The following GATAD2A variants were observed in gnomAD, a reference collection of about 807,000 sequenced individuals.
GATAD2A encodes the protein transcriptional repressor p66-alpha.
In GATAD2A, 12 loss-of-function variants were observed where a neutral mutation model predicts 68.5. The observed-to-expected ratio is 0.18, with a 90% CI of 0.11 to 0.28. GATAD2A has a LOEUF of 0.28. GATAD2A is among the 10% of genes least tolerant of loss of function. GATAD2A has a pLI of 1.00. For synonymous variants in GATAD2A, 410 were observed against 375.3 expected, an observed-to-expected ratio of 1.09 and a Z score of -1.07; for missense variants, 755 against 868.5, an observed-to-expected ratio of 0.87 and a Z score of 1.64.
intron 2 of GATAD2A, among the ~76,000 whole-genome samples, chr19:19,476,942 G>A (rs975700631): frequency 6.6e-6 from 1 of 152,180 alleles, no homozygotes; most frequent in Non-Finnish European, 1.5e-5. Context: ...TGAGGGGGCA[G>A]CTGGTGGTAG....
intron 2 of GATAD2A, among the ~76,000 whole-genome samples, chr19:19,488,140 A>G (rs1045251264): frequency 1.3e-5 from 2 of 152,208 alleles, no homozygotes; most frequent in African/African-American, 4.8e-5. Flanking sequence ...GACACGCTTC[A>G]TTTATACAAG....
intron 1 of GATAD2A, among the ~76,000 whole-genome samples, chr19:19,460,310 A>G (rs1048536804): frequency 6.6e-6 from 1 of 152,178 alleles, no homozygotes; most frequent in African/African-American, 2.4e-5. Context: ...TGTGAAGGGC[A>G]GGGCCACAGG....
chr19:19,415,570 C>T (rs2051507960), intron 1 of GATAD2A, among the ~76,000 whole-genome samples: 1 of 151,904 alleles, frequency 6.6e-6, no homozygotes, highest in African/African-American at 2.4e-5. Context: ...CTGCCCCAGC[C>T]TCCCAAGTAG....
chr19:19,447,659 G>A (rs8105642), intron 1 of GATAD2A, among the ~76,000 whole-genome samples: 23,979 of 152,236 alleles, frequency 0.16, 2,009 homozygotes, highest in Middle Eastern at 0.28. Context: ...CAGATAGTTT[G>A]TTTCATCATA....
rs6909 is a variant in GATAD2A at position 19,508,733 on chromosome 19, A to G, written c.*3259A>G. 65,424 of 152,026 alleles carry G rather than the reference A, an allele frequency of 0.43. 15,456 individuals are homozygous for G. The highest frequency in any genetic ancestry group is 0.62 in the African/African-American group (25,810 of 41,444). The allele number at this position is 152,026 out of a possible 1,614,324, so 9.4% of individuals were successfully genotyped here. On this transcript the variant is annotated 3_prime_UTR_variant, in exon 12 of 12. Coordinates refer to ENST00000683918, the MANE Select transcript of GATAD2A (RefSeq NM_001384528.1). Reference sequence around the variant, plus strand: ...GTTACACTAGTGCAGGGTATTGGGGAGGCTCTTTGGGTGTGGAGGCTGTCA... The same window carrying G: ...GTTACACTAGTGCAGGGTATTGGGGGGGCTCTTTGGGTGTGGAGGCTGTCA...
At chr19:19,415,521 C>G (rs1045892633) in intron 1 of GATAD2A, among the ~76,000 whole-genome samples, 2 of 151,448 alleles carry the variant, frequency 1.3e-5, no homozygotes, top group African/African-American at 4.9e-5. Flanking sequence ...ACAATCTTGG[C>G]TCACTGTAAC....
chr19:19,500,390 C>T (rs561177695), intron 8 of GATAD2A, among the ~76,000 whole-genome samples: 15 of 151,992 alleles, frequency 9.9e-5, no homozygotes, highest in Non-Finnish European at 2.1e-4. Flanking sequence ...CACCCCCCAG[C>T]CCCTGCAGTC....
Position 19,424,418 on chromosome 19 carries a change from C to T in GATAD2A, c.-7+18399C>T, listed in dbSNP as rs145726203. ...CTAATTTTTGTATTTTTTGTAAAGA[C>T]GGAGTTTTGCTATTTTGCCCAGGCT... is the stretch of plus-strand genomic sequence containing the variant. On this transcript the variant is annotated intron_variant, in intron 1 of 11. Transcript: ENST00000683918. Among the ~76,000 whole-genome samples the T allele has an allele frequency of 5.3e-3, 808 of 151,994 alleles. 6 individuals carry two copies. The highest frequency in any genetic ancestry group is 0.041 in the South Asian group (199 of 4,810).
intron 7 of GATAD2A, among the ~76,000 whole-genome samples, chr19:19,497,778 G>T (rs773894302): frequency 3.3e-5 from 5 of 152,188 alleles, no homozygotes; most frequent in African/African-American, 4.8e-5. Context: ...TTGGCATGTG[G>T]GCAGTTCTGG....
intron 1 of GATAD2A, among the ~76,000 whole-genome samples, chr19:19,450,936 A>G (rs1157231750): frequency 6.6e-6 from 1 of 151,242 alleles, no homozygotes; most frequent in African/African-American, 2.4e-5. Flanking sequence ...ATGCCCAGCT[A>G]ATTTTTTGTA....
At chr19:19,394,018 C>G (rs2049038770) in intron 1 of GATAD2A, among the ~76,000 whole-genome samples, 1 of 151,988 alleles carries the variant, frequency 6.6e-6, no homozygotes, top group African/African-American at 2.4e-5. Flanking sequence ...TCCCGAGTAG[C>G]TGGGATTACA....
chr19:19,501,972 A>G lies in GATAD2A; in HGVS notation c.1507A>G (p.Ile503Val), dbSNP rs551163434. ...CTTTCAACCCCCGTTTGTGTAGGTC[A>G]TAAAACCCCGGCGTAAGTTGGCGTT... is the stretch of plus-strand genomic sequence containing the variant. ...AAPHPVLKQVIKPRRKLAFRS... is the reference protein window; with the variant it reads ...AAPHPVLKQVVKPRRKLAFRS... The change falls in exon 10 of 12, where the codon ATA becomes GTA. Residue 503 changes from isoleucine to valine, a missense_variant. Physicochemically the swap from Ile to Val is conservative, Grantham distance 29 (BLOSUM62 3). Transcript: ENST00000683918. 2 of 1,613,698 alleles carry G rather than the reference A, an allele frequency of 1.2e-6. No individual in the cohort carries two copies. The highest frequency in any genetic ancestry group is 1.3e-5 in the African/African-American group (1 of 75,002).
chr19:19,392,048 T>C lies in GATAD2A; in HGVS notation c.-7+5910T>C, dbSNP rs75827523. On this transcript the variant is annotated intron_variant, in intron 1 of 11. Transcript: ENST00000360315. ...TCAGAAACTTGACTGCCTTTGTTTA[T>C]ACTGGTGTGTCTTTTGAATAAGAGT... 9.3e-4 allele frequency among the ~76,000 whole-genome samples: 141 copies of C among 152,088 alleles called. 2 individuals carry two copies. The East Asian group carries it at 0.024, about 26-fold the overall frequency.
At chr19:19,412,720 C>T (rs1183083231) in intron 1 of GATAD2A, among the ~76,000 whole-genome samples, 1 of 152,134 alleles carries the variant, frequency 6.6e-6, no homozygotes, top group Non-Finnish European at 1.5e-5. Flanking sequence ...ACCAACTTAA[C>T]ATTTTCTCCA....
intron 4 of GATAD2A, among the ~76,000 whole-genome samples, chr19:19,493,447 G>A (rs1347459027): frequency 6.6e-6 from 1 of 152,242 alleles, no homozygotes; most frequent in Admixed American, 6.5e-5. Context: ...GTGGATCTCA[G>A]CCCCAACTGT....
chr19:19,454,210 G>A (rs1311883328), intron 1 of GATAD2A, among the ~76,000 whole-genome samples: 2 of 146,708 alleles, frequency 1.4e-5, no homozygotes, highest in Non-Finnish European at 3.0e-5. Context: ...TTGGTCAGCT[G>A]GTCTTGAACT....
At chr19:19,409,748 C>T (rs1416703360) in intron 1 of GATAD2A, among the ~76,000 whole-genome samples, 2 of 152,192 alleles carry the variant, frequency 1.3e-5, no homozygotes, top group African/African-American at 4.8e-5. Context: ...CTGTCAGAAA[C>T]AAAGGTACCA....
chr19:19,505,456 G>A lies in GATAD2A; in HGVS notation c.1887G>A (p.Gln629=), dbSNP rs1285147376. 1 of 1,604,378 alleles carries A rather than the reference G, an allele frequency of 6.2e-7. No homozygotes were observed. Among genetic ancestry groups the A allele is most frequent in the African/African-American group, 1.3e-5 (1 of 74,410 alleles). ...TGATCCCACCCCGCTCCATCCCCCA[G>A]TCAGCCACGTGGAAATAGTGCGAGC... is the stretch of plus-strand genomic sequence containing the variant. ...LDMIPPRSIP[Q]SATWK Residue 629 remains glutamine (Q), a synonymous_variant, in exon 12 of 12, where the codon CAG becomes CAA. Transcript: ENST00000683918.
chr19:19,389,557 G>A (rs2048697971), intron 1 of GATAD2A, among the ~76,000 whole-genome samples: 1 of 152,112 alleles, frequency 6.6e-6, no homozygotes, highest in Non-Finnish European at 1.5e-5. Context: ...GAAGTGCTTG[G>A]AGACTTTCCT....
Sources: allele counts gnomAD v4.1 joint callset (sites outside exome capture counted in the v4.1 genomes callset), GRCh38; gene constraint gnomAD v4.1.1; transcripts MANE v1.5; gene names NCBI Gene and HGNC (gene_info 2026-07-23, HGNC 2026-07-21).